Variants in PPP2R2B observed in about 807,000 individuals in gnomAD.
The protein encoded by PPP2R2B is serine/threonine-protein phosphatase 2A 55 kDa regulatory subunit B beta isoform.
Under a neutral mutation model 46.0 loss-of-function variants are expected in PPP2R2B, and 5 were observed. That is an observed-to-expected ratio of 0.11 (90% CI 0.06 to 0.23). The LOEUF (loss-of-function observed/expected upper bound fraction) is 0.23, where lower values mean the gene tolerates loss of function less well. Ranked by LOEUF, PPP2R2B falls within the 10% of genes least tolerant of loss-of-function variation. The pLI is 1.00. For missense variants in PPP2R2B, 367 were observed against 575.0 expected (o/e 0.64, Z 3.70); for synonymous variants, 215 against 206.7 (o/e 1.04, Z -0.34).
At chr5:146,793,213 A>G (rs1212313548) in intron 2 of PPP2R2B, among the ~76,000 whole-genome samples, 1 of 152,202 alleles carries the variant, frequency 6.6e-6, no homozygotes, top group East Asian at 1.9e-4. Context: ...TGAAGTTGTT[A>G]TCAACTGAGG....
intron 1 of PPP2R2B, among the ~76,000 whole-genome samples, chr5:146,946,145 G>C (rs1296125136): frequency 6.6e-6 from 1 of 152,152 alleles, no homozygotes; most frequent in Non-Finnish European, 1.5e-5. Flanking sequence ...AGCCGCTTAA[G>C]CAACAGCTTT....
At chr5:146,738,052 G>A (rs1752644437) in intron 2 of PPP2R2B, among the ~76,000 whole-genome samples, 1 of 152,066 alleles carries the variant, frequency 6.6e-6, no homozygotes, top group Non-Finnish European at 1.5e-5. Flanking sequence ...CTCTCAGTGT[G>A]GTTTGGAAGA....
chr5:146,795,201 A>G (rs972886648), intron 2 of PPP2R2B, among the ~76,000 whole-genome samples: 1 of 152,116 alleles, frequency 6.6e-6, no homozygotes, highest in Admixed American at 6.6e-5. Flanking sequence ...ATATATCCAA[A>G]GGAAATAAAA....
intron 2 of PPP2R2B, among the ~76,000 whole-genome samples, chr5:146,832,354 C>A (rs10062859): frequency 6.9e-6 from 1 of 145,426 alleles, no homozygotes; most frequent in South Asian, 2.2e-4. Flanking sequence ...AAGTGCCCTA[C>A]ACAAGTAAGT....
intron 1 of PPP2R2B, among the ~76,000 whole-genome samples, chr5:146,958,760 C>T (rs1223943301): frequency 1.3e-5 from 2 of 152,214 alleles, no homozygotes; most frequent in East Asian, 3.8e-4. Context: ...CCTCTGCCCT[C>T]TTTCCTTCAG....
intron 5 of PPP2R2B, 96 bp downstream of exon 5, chr5:146,691,032 C>T: frequency 9.9e-7 from 1 of 1,010,962 alleles, no homozygotes; most frequent in Non-Finnish European, 1.5e-6. Context: ...CCTCACTGGC[C>T]CATTATAGTT....
At chr5:146,767,890 T>G (rs1226729677) in intron 2 of PPP2R2B, among the ~76,000 whole-genome samples, 1 of 152,138 alleles carries the variant, frequency 6.6e-6, no homozygotes, top group Non-Finnish European at 1.5e-5. Flanking sequence ...CCTAACCTAT[T>G]CACTCCTCCC....
upstream of PPP2R2B, chr5:147,055,978 G>C (rs1580865742): frequency 7.3e-7 from 1 of 1,361,610 alleles, no homozygotes; most frequent in Non-Finnish European, 9.5e-7. Context: ...CCCCAAGCAA[G>C]CCGGGATATA....
At chr5:146,693,501 C>T (rs1422659183) in intron 4 of PPP2R2B, among the ~76,000 whole-genome samples, 1 of 152,162 alleles carries the variant, frequency 6.6e-6, no homozygotes, top group East Asian at 1.9e-4. Context: ...AGGCATGAGC[C>T]ACCACACCCG....
At chr5:146,935,417 A>G (rs1426392610) in intron 1 of PPP2R2B, among the ~76,000 whole-genome samples, 2 of 152,176 alleles carry the variant, frequency 1.3e-5, no homozygotes, top group Non-Finnish European at 2.9e-5. Flanking sequence ...TAAGGTACTC[A>G]GCTTATGATA....
intron 2 of PPP2R2B, among the ~76,000 whole-genome samples, chr5:146,723,396 C>T (rs186769323): frequency 2.0e-5 from 3 of 152,044 alleles, no homozygotes; most frequent in Non-Finnish European, 2.9e-5. Flanking sequence ...ACATAAAAGT[C>T]GGAATACTGA....
intron 2 of PPP2R2B, among the ~76,000 whole-genome samples, chr5:146,790,244 C>T (rs1175594064): frequency 6.6e-6 from 1 of 152,126 alleles, no homozygotes; most frequent in Non-Finnish European, 1.5e-5. Context: ...TGCCAATTAC[C>T]CTCATTTCTG....
chr5:146,952,994 T>A lies in PPP2R2B; in HGVS notation c.79+102671A>T, dbSNP rs1358006293. ...CTGCAAAGTTTCAAAATAAAACCCA[T>A]CTCTGAGGTTAACAGATAAAATATG... is the stretch of plus-strand genomic sequence containing the variant. On this transcript the variant is annotated intron_variant, in intron 1 of 8. Coordinates refer to the PPP2R2B transcript ENST00000336640. Among the ~76,000 whole-genome samples, 8 of 152,246 alleles carry A rather than the reference T, an allele frequency of 5.3e-5. No individual in the cohort carries two copies. The East Asian group carries it at 1.5e-3, about 29-fold the overall frequency.
chr5:146,931,226 T>C (rs1045267694), intron 1 of PPP2R2B, among the ~76,000 whole-genome samples: 1 of 152,010 alleles, frequency 6.6e-6, no homozygotes, highest in African/African-American at 2.4e-5. Flanking sequence ...GTGATGAAAA[T>C]GTTTTAGGTT....
intron 5 of PPP2R2B, among the ~76,000 whole-genome samples, chr5:146,657,116 G>A (rs1478873792): frequency 6.6e-6 from 1 of 152,194 alleles, no homozygotes; most frequent in African/African-American, 2.4e-5. Context: ...TGCAATTAAA[G>A]CAGAGTAGAG....
intron 2 of PPP2R2B, among the ~76,000 whole-genome samples, chr5:146,722,964 C>T (rs1751621083): frequency 2.6e-5 from 4 of 152,180 alleles, no homozygotes; most frequent in Admixed American, 2.6e-4. Context: ...GTGCCTTTCT[C>T]TGCCTGGAAC....
chr5:146,685,047 T>C (rs1230111098), intron 5 of PPP2R2B, among the ~76,000 whole-genome samples: 1 of 152,210 alleles, frequency 6.6e-6, no homozygotes, highest in Non-Finnish European at 1.5e-5. Context: ...CATTCATCTT[T>C]GTAAGAGCCA....
At chr5:146,962,464 C>T (rs1389782161) in intron 1 of PPP2R2B, among the ~76,000 whole-genome samples, 2 of 151,728 alleles carry the variant, frequency 1.3e-5, no homozygotes, top group African/African-American at 4.8e-5. Flanking sequence ...CGAGACTAGC[C>T]TGACCAACAT....
intron 1 of PPP2R2B, among the ~76,000 whole-genome samples, chr5:146,888,197 C>T (rs771158854): frequency 3.3e-5 from 5 of 152,050 alleles, no homozygotes; most frequent in Admixed American, 1.3e-4. Flanking sequence ...CAACAAAACC[C>T]TAAATCTGAA....
Sources: allele counts gnomAD v4.1 joint callset (sites outside exome capture counted in the v4.1 genomes callset), GRCh38; gene constraint gnomAD v4.1.1; transcripts MANE v1.5; gene names NCBI Gene and HGNC (gene_info 2026-07-23, HGNC 2026-07-21).